The following RANBP2 variants were observed in gnomAD, a reference collection of about 807,000 sequenced individuals.
The protein encoded by RANBP2 is RAN binding protein 2, also known as E3 SUMO-protein ligase RanBP2.
A neutral mutation model predicts 303.6 loss-of-function variants in RANBP2; 57 were observed. The ratio of observed to expected loss-of-function variants is 0.19; its 90% CI spans 0.15 to 0.23. RANBP2 has a LOEUF of 0.23. Ranked by LOEUF, RANBP2 falls within the 10% of genes least tolerant of loss-of-function variation. The probability of loss-of-function intolerance (pLI) is 1.00; values close to 1 mark genes in which losing one functional copy is unlikely to be tolerated. For missense variants in RANBP2, 3,138 were observed against 3,780.8 expected (o/e 0.83, Z 4.46); for synonymous variants, 1,167 against 1,301.5 (o/e 0.90, Z 2.23).
the RANBP2 span, among the ~76,000 whole-genome samples, chr2:109,042,315 A>G: frequency 6.6e-6 from 1 of 152,044 alleles, no homozygotes; most frequent in Non-Finnish European, 1.5e-5. Flanking sequence ...CTGTTTTAAG[A>G]TATTTATGTT....
At chr2:108,770,447 T>C (rs868220752) in intron 20 of RANBP2, among the ~76,000 whole-genome samples, 4 of 152,236 alleles carry the variant, frequency 2.6e-5, no homozygotes, top group African/African-American at 7.2e-5. Context: ...AAATAAAATA[T>C]AACCTGTGTA....
the RANBP2 span, among the ~76,000 whole-genome samples, chr2:109,046,162 G>T: frequency 5.3e-4 from 80 of 151,602 alleles, no homozygotes; most frequent in African/African-American, 1.9e-3. Flanking sequence ...AAATTAGCCG[G>T]GTGTGGTGGC....
chr2:109,324,760 G>A, the RANBP2 span, among the ~76,000 whole-genome samples: 1 of 152,182 alleles, frequency 6.6e-6, no homozygotes, highest in Non-Finnish European at 1.5e-5. Flanking sequence ...ACTTGAAGGA[G>A]AGCATGAATG....
the RANBP2 span, among the ~76,000 whole-genome samples, chr2:109,688,895 CCTTCCTTCCTTT>C: frequency 3.3e-5 from 5 of 150,584 alleles, no homozygotes; most frequent in African/African-American, 7.3e-5. Context: ...TTCCTTCCTT[CCTTCCTTCCTTT>C]CTTCCTTCCT....
At chr2:109,129,903 C>G in the RANBP2 span, 2 of 1,507,594 alleles carry the variant, frequency 1.3e-6, no homozygotes, top group South Asian at 2.5e-5. Context: ...TGGACGGCAT[C>G]CGTCAGCGGC....
At chr2:109,568,258 G>A in the RANBP2 span, among the ~76,000 whole-genome samples, 1 of 151,856 alleles carries the variant, frequency 6.6e-6, no homozygotes, top group African/African-American at 2.4e-5. Flanking sequence ...GACGCCCAGT[G>A]TATTCTCAGC....
the RANBP2 span, chr2:109,564,110 C>T: frequency 7.8e-5 from 28 of 360,556 alleles, 1 homozygote; most frequent in Middle Eastern, 2.9e-3. Flanking sequence ...TGAACTGAAA[C>T]AGGGGGCCTC....
the RANBP2 span, among the ~76,000 whole-genome samples, chr2:109,268,742 T>TAA: frequency 4.9e-4 from 74 of 150,168 alleles, no homozygotes; most frequent in South Asian, 8.4e-4. Flanking sequence ...TACTTTATTA[T>TAA]AAAAAAAAAA....
the RANBP2 span, among the ~76,000 whole-genome samples, chr2:109,462,571 C>T: frequency 6.6e-6 from 1 of 152,106 alleles, no homozygotes; most frequent in African/African-American, 2.4e-5. Flanking sequence ...TTGATGGTGG[C>T]ACTAATCTCT....
the RANBP2 span, among the ~76,000 whole-genome samples, chr2:109,608,292 A>G: frequency 6.6e-6 from 1 of 152,200 alleles, no homozygotes; most frequent in Non-Finnish European, 1.5e-5. Flanking sequence ...CACTCACAGA[A>G]CATTCAAGGT....
chr2:109,299,311 T>A, the RANBP2 span, among the ~76,000 whole-genome samples: 1 of 152,180 alleles, frequency 6.6e-6, no homozygotes, highest in Non-Finnish European at 1.5e-5. Flanking sequence ...CAGATGAAAA[T>A]TTGAAGCTTG....
the RANBP2 span, among the ~76,000 whole-genome samples, chr2:109,065,831 G>T: frequency 0.033 from 5,052 of 152,278 alleles, 120 homozygotes; most frequent in Non-Finnish European, 0.049. Context: ...CTCAAATGCT[G>T]CCCAGCAATT....
chr2:109,269,330 T>TC, the RANBP2 span, among the ~76,000 whole-genome samples: 2 of 152,004 alleles, frequency 1.3e-5, no homozygotes, highest in African/African-American at 2.4e-5. Context: ...AACCTTGCCT[T>TC]CCCCCCGGGA....
Position 108,755,205 on chromosome 2 carries a change from A to G in RANBP2, c.2412A>G (p.Ala804=), listed in dbSNP as rs1676210300. ...KYSPKTPPRW[A]EDQNSLLKMI... ...CTCCCAAAACACCACCTCGATGGGC[A>G]GAAGATCAGAATTCTTTACTGAAAA... The change falls in exon 17 of 29, where the codon GCA becomes GCG. Residue 804 remains alanine, a synonymous_variant. Coordinates refer to ENST00000283195, the MANE Select transcript of RANBP2 (RefSeq NM_006267.5). 6.2e-7 allele frequency: 1 copy of G among 1,611,810 alleles called. No individual in the cohort carries two copies. Among genetic ancestry groups the G allele is most frequent in the African/African-American group, 1.3e-5 (1 of 74,818 alleles).
At chr2:109,636,047 C>G in the RANBP2 span, among the ~76,000 whole-genome samples, 1 of 152,220 alleles carries the variant, frequency 6.6e-6, no homozygotes, top group Non-Finnish European at 1.5e-5. Flanking sequence ...CCGAGAGCTC[C>G]CTCTCCTCTT....
chr2:109,674,691 G>A, the RANBP2 span, among the ~76,000 whole-genome samples: 2 of 152,318 alleles, frequency 1.3e-5, no homozygotes, highest in African/African-American at 4.8e-5. Context: ...ATGATTTTAT[G>A]TGTTTCAATT....
chr2:109,075,383 C>A, the RANBP2 span, among the ~76,000 whole-genome samples: 11 of 149,996 alleles, frequency 7.3e-5, no homozygotes, highest in Admixed American at 7.3e-4. Context: ...TGCCACCACG[C>A]CCAGCTAATT....
the RANBP2 span, among the ~76,000 whole-genome samples, chr2:109,246,359 G>C: frequency 3.3e-5 from 5 of 152,186 alleles, no homozygotes; most frequent in South Asian, 2.1e-4. Context: ...CCATGGTAGA[G>C]GGGGCAAGGC....
At chr2:108,821,566 A>T in the RANBP2 span, among the ~76,000 whole-genome samples, 1 of 152,230 alleles carries the variant, frequency 6.6e-6, no homozygotes, top group Non-Finnish European at 1.5e-5. Flanking sequence ...CACAAAAATC[A>T]GTGAAACCCA....
Sources: allele counts gnomAD v4.1 joint callset (sites outside exome capture counted in the v4.1 genomes callset), GRCh38; gene constraint gnomAD v4.1.1; transcripts MANE v1.5; gene names NCBI Gene and HGNC (gene_info 2026-07-23, HGNC 2026-07-21).